Variants in USP14 observed in about 807,000 individuals in gnomAD.
USP14 encodes ubiquitin carboxyl-terminal hydrolase 14.
A neutral mutation model predicts 76.5 loss-of-function variants in USP14; 38 were observed. The observed-to-expected ratio is 0.50, with a 90% CI of 0.38 to 0.65. USP14 has a LOEUF of 0.65. Among genes scored for constraint, USP14 ranks in the 30% least tolerant of loss-of-function variants. The pLI is 0.00. For missense variants in USP14, 467 were observed against 586.5 expected, an observed-to-expected ratio of 0.80 and a Z score of 2.10; for synonymous variants, 192 against 191.7, an observed-to-expected ratio of 1.00 and a Z score of -0.01.
chr18:207,757 A>G (rs922679485), intron 13 of USP14, among the ~76,000 whole-genome samples: 6 of 152,168 alleles, frequency 3.9e-5, no homozygotes, highest in Non-Finnish European at 8.8e-5. Flanking sequence ...AATTTTTTTC[A>G]TAATGTTTTA....
rs912815743 is a variant in USP14, at chr18:213,760, T to C, written c.*2476T>C. On this transcript the variant is annotated 3_prime_UTR_variant, in exon 16 of 16. Transcript: ENST00000261601. Reference sequence around the variant, plus strand: ...CTTATGTGGGAACAAGAAAAGTCGGTGGTACTGTCTTCTGCTACTACTACT... The same window carrying C: ...CTTATGTGGGAACAAGAAAAGTCGGCGGTACTGTCTTCTGCTACTACTACT... 1 of 152,264 alleles carries C rather than the reference T, an allele frequency of 6.6e-6. No homozygotes were observed. The highest frequency in any genetic ancestry group is 2.4e-5 in the African/African-American group (1 of 41,436). 9.4% of individuals were successfully genotyped at this position (152,264 alleles called of 1,614,324 possible).
chr18:170,960 G>A (rs1018195977), intron 3 of USP14, among the ~76,000 whole-genome samples: 3 of 141,656 alleles, frequency 2.1e-5, no homozygotes, highest in Non-Finnish European at 4.5e-5. Context: ...ATGACACAAT[G>A]TTTACCTGTG....
intron 5 of USP14, among the ~76,000 whole-genome samples, chr18:182,777 T>G (rs1430825805): frequency 6.6e-6 from 1 of 152,026 alleles, no homozygotes; most frequent in Non-Finnish European, 1.5e-5. Flanking sequence ...GTTAGGGAAG[T>G]GTGAGAGTGG....
At chr18:203,212 G>A (rs1021918708) in intron 12 of USP14, 22 bp downstream of exon 12, 34 of 1,585,602 alleles carry the variant, frequency 2.1e-5, no homozygotes, top group Non-Finnish European at 2.6e-5. Flanking sequence ...ACTTTACTTT[G>A]TATAAGAAAT....
At position 211,192 on chromosome 18, in the gene USP14, C is replaced by T. The variant is rs370992860; in HGVS notation, c.1393C>T (p.Arg465Trp). Residue 465 changes from arginine to tryptophan, a missense_variant, in exon 16 of 16, where the codon CGG (arginine) becomes TGG (tryptophan). Transcript: ENST00000261601. ...CATCGTAACACCAGAAGATATCTTA[C>T]GGCTTTCTGGTGGTGGAGACTGGCA... ...VSIVTPEDILRLSGGGDWHIA... is the reference protein window; with the variant it reads ...VSIVTPEDILWLSGGGDWHIA... 11 of 1,613,784 alleles carry T rather than the reference C, an allele frequency of 6.8e-6. No homozygotes were observed. The highest frequency in any genetic ancestry group is 1.7e-5 in the Admixed American group (1 of 59,978).
chr18:185,087 G>A (rs1909891347), intron 5 of USP14, among the ~76,000 whole-genome samples: 1 of 152,094 alleles, frequency 6.6e-6, no homozygotes, highest in African/African-American at 2.4e-5. Context: ...AGACTGGCAA[G>A]CCCCAGCTCT....
rs1383625412 is a variant in USP14 at position 166,654 on chromosome 18, C to T, written c.163-133C>T. On this transcript the variant is annotated intron_variant, in intron 2 of 15. Transcript: ENST00000261601. Reference sequence around the variant, plus strand: ...GGCCAAAAAAAATTTTTTTAATTGCCATAATTTTAAATAAAATCTGCATAT... The same window carrying T: ...GGCCAAAAAAAATTTTTTTAATTGCTATAATTTTAAATAAAATCTGCATAT... The T allele has an allele frequency of 4.3e-6, 5 of 1,150,562 alleles. No homozygotes were observed. The African/African-American group carries it at 7.9e-5, about 18-fold the overall frequency. 71.3% of individuals were successfully genotyped at this position (1,150,562 alleles called of 1,614,324 possible).
chr18:177,644 T>A (rs1909663829), intron 3 of USP14, among the ~76,000 whole-genome samples: 1 of 151,468 alleles, frequency 6.6e-6, no homozygotes, highest in Non-Finnish European at 1.5e-5. Context: ...TTTTTTTTTT[T>A]TTTTAAATCT....
intron 14 of USP14, 98 bp downstream of exon 14, chr18:210,129 T>C (rs888007360): frequency 3.0e-6 from 3 of 1,016,826 alleles, no homozygotes; most frequent in African/African-American, 3.3e-5. Flanking sequence ...GATGTGCTTT[T>C]CAAACAAAAT....
intron 3 of USP14, among the ~76,000 whole-genome samples, chr18:169,078 A>C (rs1289627738): frequency 1.4e-5 from 2 of 146,378 alleles, no homozygotes; most frequent in Non-Finnish European, 3.0e-5. Flanking sequence ...CTCCATCTCA[A>C]AAAAAAAAAA....
At chr18:177,362 C>CA (rs2144230445) in intron 3 of USP14, among the ~76,000 whole-genome samples, 1 of 145,834 alleles carries the variant, frequency 6.9e-6, no homozygotes, top group African/African-American at 2.6e-5. Context: ...TGTGAGGCTA[C>CA]AGTGACCTAT....
chr18:178,531 T>C (rs915865370), intron 3 of USP14, among the ~76,000 whole-genome samples: 4 of 152,212 alleles, frequency 2.6e-5, no homozygotes, highest in Non-Finnish European at 5.9e-5. Flanking sequence ...GGCGATTCTA[T>C]ATTGTCATGT....
chr18:183,867 C>T (rs1430612879), intron 5 of USP14, among the ~76,000 whole-genome samples: 1 of 151,774 alleles, frequency 6.6e-6, no homozygotes, highest in African/African-American at 2.4e-5. Flanking sequence ...TATTCTCTTC[C>T]TTATGTCCCA....
rs1204053600 is a variant in USP14, at chr18:180,274, T to C, written c.339T>C (p.Thr113=). The change falls in exon 5 of 16, where the codon ACT becomes ACC. Residue 113 remains threonine (T), a synonymous_variant. Coordinates refer to ENST00000261601, the MANE Select transcript of USP14 (RefSeq NM_005151.4). The part of the protein sequence containing the change: ...LPCGLTNLGN[T]CYMNATVQCI... ...GTGGATTGACAAACCTTGGTAACAC[T>C]TGTTACATGAATGCCACAGTTCAGT... is the stretch of plus-strand genomic sequence containing the variant. The C allele has an allele frequency of 6.3e-7, 1 of 1,580,698 alleles. No individual in the cohort carries two copies. Among genetic ancestry groups the C allele is most frequent in the Non-Finnish European group, 8.5e-7 (1 of 1,171,148 alleles).
intron 13 of USP14, among the ~76,000 whole-genome samples, chr18:207,340 A>ATT (rs1276396848): frequency 1.4e-5 from 2 of 144,808 alleles, no homozygotes; most frequent in East Asian, 3.9e-4. Flanking sequence ...CAGCTTGTCC[A>ATT]TTTCTTCAAA....
chr18:184,229 C>G (rs542070503), intron 5 of USP14, among the ~76,000 whole-genome samples: 3 of 151,962 alleles, frequency 2.0e-5, no homozygotes, highest in African/African-American at 7.2e-5. Flanking sequence ...TGATGCCAAA[C>G]AAAAGAAGTA....
intron 2 of USP14, 89 bp downstream of exon 2, chr18:163,542 C>G: frequency 1.4e-6 from 2 of 1,423,978 alleles, no homozygotes; most frequent in African/African-American, 1.4e-5. Flanking sequence ...TTTAATGTAG[C>G]ATTTGAAGTG....
chr18:196,871 T>G, intron 7 of USP14, 104 bp downstream of exon 7: 1 of 1,411,722 alleles, frequency 7.1e-7, no homozygotes, highest in South Asian at 1.3e-5. Flanking sequence ...ATCAGTCTTC[T>G]CTAGTTCATG....
Position 163,290 on chromosome 18 carries a change from T to A in USP14, c.17-18T>A. On this transcript the variant is annotated intron_variant, in intron 1 of 15. Coordinates refer to ENST00000261601, the MANE Select transcript of USP14 (RefSeq NM_005151.4). ...TCTTGTTATTTTTTAATTAAAAAAA[T>A]TGTGATTTTGTTTGCAGTTACTGTA... 1 of 1,581,016 alleles carries A rather than the reference T, an allele frequency of 6.3e-7. No individual in the cohort carries two copies. The highest frequency in any genetic ancestry group is 2.3e-5 in the East Asian group (1 of 43,310).
Sources: allele counts gnomAD v4.1 joint callset (sites outside exome capture counted in the v4.1 genomes callset), GRCh38; gene constraint gnomAD v4.1.1; transcripts MANE v1.5; gene names NCBI Gene and HGNC (gene_info 2026-07-23, HGNC 2026-07-21).